KIAA1328: variants seen among roughly 807,000 people sequenced by gnomAD.
KIAA1328 encodes the protein protein hinderin.
KIAA1328 carries 52 observed loss-of-function variants against 68.1 expected under a neutral mutation model. The observed-to-expected ratio is 0.76, with a 90% CI of 0.61 to 0.96. The LOEUF is 0.96. Ranked by LOEUF, KIAA1328 falls within the 40% of genes least tolerant of loss-of-function variation. KIAA1328 has a pLI of 0.00. For synonymous variants in KIAA1328, 232 were observed against 239.4 expected, an observed-to-expected ratio of 0.97 and a Z score of 0.28; for missense variants, 641 against 677.6, an observed-to-expected ratio of 0.95 and a Z score of 0.60.
chr18:36,962,168 A>T (rs1182352180), intron 6 of KIAA1328, among the ~76,000 whole-genome samples: 1 of 152,190 alleles, frequency 6.6e-6, no homozygotes, highest in Non-Finnish European at 1.5e-5. Flanking sequence ...AGGGGTTGCA[A>T]TCCTAGTCTC....
chr18:36,924,609 A>G (rs1231312194), intron 5 of KIAA1328, among the ~76,000 whole-genome samples: 1 of 152,210 alleles, frequency 6.6e-6, no homozygotes, highest in East Asian at 1.9e-4. Flanking sequence ...GGTAAAACTC[A>G]GGATCAGATA....
chr18:36,856,880 C>T (rs2047400596), intron 4 of KIAA1328, among the ~76,000 whole-genome samples: 1 of 152,122 alleles, frequency 6.6e-6, no homozygotes, highest in African/African-American at 2.4e-5. Context: ...GTGACTTTTC[C>T]AGGCTATTTT....
At chr18:37,162,807 C>G (rs188857811) in intron 8 of KIAA1328, among the ~76,000 whole-genome samples, 1 of 151,812 alleles carries the variant, frequency 6.6e-6, no homozygotes. Context: ...GACCATTAAT[C>G]TTTATTACCA....
At chr18:37,138,840 A>T (rs772737995) in intron 7 of KIAA1328, among the ~76,000 whole-genome samples, 1 of 152,128 alleles carries the variant, frequency 6.6e-6, no homozygotes, top group African/African-American at 2.4e-5. Context: ...GTAGGCTGTC[A>T]GATAATATTA....
chr18:36,887,670 G>A (rs563854810), intron 5 of KIAA1328, among the ~76,000 whole-genome samples: 2 of 152,182 alleles, frequency 1.3e-5, no homozygotes, highest in Non-Finnish European at 2.9e-5. Flanking sequence ...AGGCTGCAAA[G>A]GAGGCTAAGA....
chr18:37,079,044 G>A (rs1377093963), intron 7 of KIAA1328, among the ~76,000 whole-genome samples: 10 of 150,820 alleles, frequency 6.6e-5, no homozygotes, highest in Admixed American at 1.3e-4. Context: ...TGTTTATTGC[G>A]GCACTATTCA....
At chr18:37,107,241 A>AAAAC (rs920923251) in intron 7 of KIAA1328, among the ~76,000 whole-genome samples, 3 of 152,200 alleles carry the variant, frequency 2.0e-5, no homozygotes, top group Non-Finnish European at 4.4e-5. Flanking sequence ...TCTGTCTTAA[A>AAAAC]AAACAAACAA....
At chr18:36,885,715 G>A in intron 5 of KIAA1328, 43 bp downstream of exon 5, 1 of 1,292,940 alleles carries the variant, frequency 7.7e-7, no homozygotes, top group East Asian at 2.5e-5. Context: ...CAAGAAGTTT[G>A]ACTATTTCTT....
At chr18:37,020,030 G>A (rs1418447351) in intron 6 of KIAA1328, among the ~76,000 whole-genome samples, 1 of 152,094 alleles carries the variant, frequency 6.6e-6, no homozygotes, top group East Asian at 1.9e-4. Context: ...TCAGCACGGA[G>A]CAGAGGGCCC....
Position 37,205,728 on chromosome 18 carries a change from GT to G in KIAA1328, c.1524-16285del, listed in dbSNP as rs555790556. On this transcript the variant is annotated intron_variant, in intron 9 of 9. Coordinates refer to ENST00000280020, the MANE Select transcript of KIAA1328 (RefSeq NM_020776.3). ...TGGTGGCCTAAATAATTTTAATTCG[GT>G]TTTCCATCTGATTTCAGCTGGAATG... 1.9e-3 allele frequency among the ~76,000 whole-genome samples: 287 copies of G among 152,214 alleles called. 4 individuals are homozygous for G. The highest frequency in any genetic ancestry group is 6.7e-3 in the African/African-American group (280 of 41,532).
rs1174454627 is a variant in KIAA1328 at position 37,067,067 on chromosome 18, C to T, written c.754C>T (p.Leu252Phe). ...GAATAATTCTTTGAAACCAGTAACC[C>T]TTCATCATCCCAAAGATGATCTAGA... ...FRNNSLKPVT[L>F]HHPKDDLDKI... Residue 252 changes from leucine (L) to phenylalanine (F), a missense_variant, in exon 7 of 10, where the codon CTT (leucine) becomes TTT (phenylalanine). Coordinates refer to ENST00000280020, the MANE Select transcript of KIAA1328 (RefSeq NM_020776.3). 4 of 1,613,846 alleles carry T rather than the reference C, an allele frequency of 2.5e-6. No homozygotes were observed. Among genetic ancestry groups the T allele is most frequent in the Non-Finnish European group, 3.4e-6 (4 of 1,179,886 alleles).
intron 6 of KIAA1328, among the ~76,000 whole-genome samples, chr18:37,064,269 A>G (rs1446589568): frequency 1.3e-5 from 2 of 152,158 alleles, no homozygotes; most frequent in Admixed American, 1.3e-4. Flanking sequence ...CAGTCATTCA[A>G]TTAAAATCTT....
intron 5 of KIAA1328, among the ~76,000 whole-genome samples, chr18:36,941,697 A>C (rs532452049): frequency 2.9e-4 from 44 of 152,328 alleles, no homozygotes; most frequent in African/African-American, 1.0e-3. Flanking sequence ...ACATTTTTTA[A>C]AATTATAAAA....
At chr18:36,875,896 G>T (rs925297537) in intron 4 of KIAA1328, among the ~76,000 whole-genome samples, 2 of 151,910 alleles carry the variant, frequency 1.3e-5, no homozygotes, top group Non-Finnish European at 2.9e-5. Context: ...GAATTTTATC[G>T]AAGGCCTTTT....
chr18:37,220,957 G>C (rs535623142), intron 9 of KIAA1328, among the ~76,000 whole-genome samples: 134 of 152,286 alleles, frequency 8.8e-4, no homozygotes, highest in African/African-American at 3.2e-3. Flanking sequence ...CTCCTGAGTA[G>C]CTGGGGCTAC....
At chr18:36,898,502 G>T (rs1339333688) in intron 5 of KIAA1328, among the ~76,000 whole-genome samples, 2 of 151,842 alleles carry the variant, frequency 1.3e-5, no homozygotes, top group African/African-American at 4.8e-5. Context: ...CTGATTAGAT[G>T]GAACCAACTT....
chr18:36,867,159 T>C (rs141129021), intron 4 of KIAA1328, among the ~76,000 whole-genome samples: 5 of 152,336 alleles, frequency 3.3e-5, no homozygotes, highest in Non-Finnish European at 7.4e-5. Context: ...GGATTTCTTA[T>C]GAATGGCTTA....
intron 4 of KIAA1328, among the ~76,000 whole-genome samples, chr18:36,862,396 G>C (rs1208013358): frequency 2.6e-5 from 4 of 152,068 alleles, no homozygotes; most frequent in Non-Finnish European, 5.9e-5. Flanking sequence ...CCACTAATCA[G>C]CTGTCTCTAT....
In KIAA1328 at chr18:37,169,519, TTG is replaced by T. The variant is rs377291936; in HGVS notation, c.1415-3434_1415-3433del. 3.2e-3 allele frequency among the ~76,000 whole-genome samples: 483 copies of T among 149,722 alleles called. 3 individuals are homozygous for T. The highest frequency in any genetic ancestry group is 4.0e-3 in the African/African-American group (166 of 40,996). ...TGTTATTGTGTGTGTGTGTCTGTGT[TTG>T]TGTGTGTGTGTGTGTGTGTTTAAAT... On this transcript the variant is annotated intron_variant, in intron 8 of 9. Coordinates refer to ENST00000280020, the MANE Select transcript of KIAA1328 (RefSeq NM_020776.3).
Sources: allele counts gnomAD v4.1 joint callset (sites outside exome capture counted in the v4.1 genomes callset), GRCh38; gene constraint gnomAD v4.1.1; transcripts MANE v1.5; gene names NCBI Gene and HGNC (gene_info 2026-07-23, HGNC 2026-07-21).